Variants in FSTL4 observed in about 807,000 individuals in gnomAD.
The protein encoded by FSTL4 is follistatin-related protein 4.
In FSTL4, 28 loss-of-function variants were observed where a neutral mutation model predicts 78.2. That is an observed-to-expected ratio of 0.36 (90% confidence interval 0.27 to 0.49). The LOEUF is 0.49. FSTL4 is among the 20% of genes least tolerant of loss of function. The pLI is 0.98. For missense variants in FSTL4, 922 were observed against 1,084.9 expected (o/e 0.85, Z 2.11); for synonymous variants, 422 against 440.5 (o/e 0.96, Z 0.53).
the FSTL4 span, among the ~76,000 whole-genome samples, chr5:133,647,373 T>C: frequency 1.3e-5 from 2 of 152,174 alleles, no homozygotes; most frequent in Non-Finnish European, 2.9e-5. Context: ...TATGAGAAAG[T>C]GGCCCTGAGA....
chr5:133,762,318 G>A, the FSTL4 span, among the ~76,000 whole-genome samples: 1 of 152,120 alleles, frequency 6.6e-6, no homozygotes, highest in African/African-American at 2.4e-5. Flanking sequence ...GACTAAACAA[G>A]GGCCCAGCAC....
At chr5:133,688,381 C>G in the FSTL4 span, among the ~76,000 whole-genome samples, 1 of 152,170 alleles carries the variant, frequency 6.6e-6, no homozygotes, top group East Asian at 1.9e-4. Context: ...CCATGGCACT[C>G]CAGCCTGGGT....
chr5:133,769,705 T>A, the FSTL4 span, among the ~76,000 whole-genome samples: 82,550 of 152,128 alleles, frequency 0.54, 22,973 homozygotes, highest in Non-Finnish European at 0.61. Flanking sequence ...TAATTCTTTT[T>A]AAAAAATCTT....
chr5:133,764,161 T>C, the FSTL4 span, among the ~76,000 whole-genome samples: 2 of 152,242 alleles, frequency 1.3e-5, no homozygotes, highest in South Asian at 2.1e-4. Context: ...TGTGGGTCTT[T>C]GATTCACAGT....
intron 3 of FSTL4, among the ~76,000 whole-genome samples, chr5:133,531,997 T>C (rs904742150): frequency 2.0e-4 from 30 of 152,334 alleles, no homozygotes; most frequent in Middle Eastern, 3.4e-3. Flanking sequence ...TATGTTCTCT[T>C]ACACTGCAAA....
At chr5:133,647,011 G>A in the FSTL4 span, among the ~76,000 whole-genome samples, 14 of 152,098 alleles carry the variant, frequency 9.2e-5, no homozygotes, top group Non-Finnish European at 1.8e-4. Flanking sequence ...ACATAATAAG[G>A]AGCAGAGAAA....
chr5:133,643,579 C>T, the FSTL4 span, among the ~76,000 whole-genome samples: 5 of 152,138 alleles, frequency 3.3e-5, no homozygotes, highest in Non-Finnish European at 4.4e-5. Context: ...CACACTATCA[C>T]GGTGGTCCTC....
chr5:133,212,845 A>C (rs1275785058), intron 13 of FSTL4, among the ~76,000 whole-genome samples: 1 of 152,204 alleles, frequency 6.6e-6, no homozygotes, highest in African/African-American at 2.4e-5. Context: ...GCTAAAGATC[A>C]CGGAGAAAAA....
chr5:133,493,234 C>A (rs11750677), intron 3 of FSTL4, among the ~76,000 whole-genome samples: 25,911 of 152,032 alleles, frequency 0.17, 2,327 homozygotes, highest in Non-Finnish European at 0.2. Flanking sequence ...CAAATTAGTT[C>A]CTTATGATCT....
the FSTL4 span, among the ~76,000 whole-genome samples, chr5:133,818,946 TGTAC>T: frequency 4.6e-5 from 6 of 130,490 alleles, no homozygotes; most frequent in African/African-American, 1.8e-4. Flanking sequence ...TATATATATA[TGTAC>T]ACACACACAC....
At chr5:133,575,952 CCAATA>C (rs1760268814) in intron 2 of FSTL4, among the ~76,000 whole-genome samples, 1 of 152,158 alleles carries the variant, frequency 6.6e-6, no homozygotes, top group Non-Finnish European at 1.5e-5. Context: ...TGTCATTTAA[CCAATA>C]CAATACAACA....
intron 3 of FSTL4, among the ~76,000 whole-genome samples, chr5:133,504,735 CTT>C (rs1758578262): frequency 6.6e-6 from 1 of 152,208 alleles, no homozygotes; most frequent in Non-Finnish European, 1.5e-5. Context: ...TTCTAGATAA[CTT>C]TTACTCAGCT....
intron 3 of FSTL4, among the ~76,000 whole-genome samples, chr5:133,497,705 C>A (rs1198889540): frequency 1.3e-5 from 2 of 152,078 alleles, no homozygotes; most frequent in African/African-American, 2.4e-5. Context: ...TGATTCAGAC[C>A]CAGATGCATG....
At chr5:133,422,661 T>C (rs250850) in intron 3 of FSTL4, among the ~76,000 whole-genome samples, 47,564 of 151,940 alleles carry the variant, frequency 0.31, 7,956 homozygotes, top group East Asian at 0.45. Context: ...CCTGGAGATG[T>C]AGAAATGGAA....
At chr5:133,812,981 G>A in the FSTL4 span, among the ~76,000 whole-genome samples, 3 of 152,336 alleles carry the variant, frequency 2.0e-5, no homozygotes, top group African/African-American at 7.2e-5. Flanking sequence ...ACAGTTCAGT[G>A]GAAGATGGCT....
intron 2 of FSTL4, among the ~76,000 whole-genome samples, chr5:133,576,263 G>A (rs1019448772): frequency 1.6e-4 from 25 of 152,292 alleles, no homozygotes; most frequent in African/African-American, 6.0e-4. Context: ...CACAGGGGGT[G>A]AGGCTCTGGA....
chr5:133,485,756 A>G (rs1409302625), intron 3 of FSTL4, among the ~76,000 whole-genome samples: 1 of 152,194 alleles, frequency 6.6e-6, no homozygotes, highest in Non-Finnish European at 1.5e-5. Flanking sequence ...TGCTGGCTAA[A>G]GAGTCAAATA....
At chr5:133,207,604 A>G (rs1395821582) in intron 14 of FSTL4, among the ~76,000 whole-genome samples, 1 of 152,096 alleles carries the variant, frequency 6.6e-6, no homozygotes, top group Non-Finnish European at 1.5e-5. Flanking sequence ...GTTTAAAGTG[A>G]AGTTTTGAGT....
the FSTL4 span, among the ~76,000 whole-genome samples, chr5:133,622,804 T>C: frequency 6.6e-6 from 1 of 152,194 alleles, no homozygotes; most frequent in Non-Finnish European, 1.5e-5. Flanking sequence ...TTCAAGATGC[T>C]AGTTCTTTGT....
Sources: allele counts gnomAD v4.1 joint callset (sites outside exome capture counted in the v4.1 genomes callset), GRCh38; gene constraint gnomAD v4.1.1; transcripts MANE v1.5; gene names NCBI Gene and HGNC (gene_info 2026-07-23, HGNC 2026-07-21).